The following QSOX2 variants were observed in gnomAD, a reference collection of about 807,000 sequenced individuals.
QSOX2 encodes the protein sulfhydryl oxidase 2.
A neutral mutation model predicts 61.7 loss-of-function variants in QSOX2; 46 were observed. The observed-to-expected ratio is 0.75, with a 90% CI of 0.59 to 0.95. The LOEUF (loss-of-function observed/expected upper bound fraction) is 0.95. Among genes scored for constraint, QSOX2 ranks in the 40% least tolerant of loss-of-function variants. QSOX2 has a pLI of 0.00. For missense variants in QSOX2, 879 were observed against 918.9 expected (o/e 0.96, Z 0.56); for synonymous variants, 383 against 388.4 (o/e 0.99, Z 0.16).
At chr9:136,235,390 G>GGAAGGAGA (rs1286912806) in intron 1 of QSOX2, among the ~76,000 whole-genome samples, 1 of 152,218 alleles carries the variant, frequency 6.6e-6, no homozygotes, top group Non-Finnish European at 1.5e-5. Context: ...TGACGACCAA[G>GGAAGGAGA]GAAGGAGAGA....
intron 3 of QSOX2, 31 bp from the exon 4 acceptor site, chr9:136,224,143 G>T (rs377200165): frequency 6.4e-7 from 1 of 1,564,372 alleles, no homozygotes; most frequent in Non-Finnish European, 8.8e-7. Context: ...TCAGAGCTGT[G>T]TGTGCGGCTG....
chr9:136,218,608 G>T, intron 8 of QSOX2, 71 bp downstream of exon 8: 1 of 1,535,784 alleles, frequency 6.5e-7, no homozygotes, highest in South Asian at 1.3e-5. Flanking sequence ...CGCAGTGTCC[G>T]ACGCCCCCCA....
At chr9:136,210,593 A>AC in intron 11 of QSOX2, 2 of 985,256 alleles carry the variant, frequency 2.0e-6, no homozygotes, top group Non-Finnish European at 2.4e-6. Flanking sequence ...TCGTCACATG[A>AC]CCCCGGCCCC....
intron 6 of QSOX2, among the ~76,000 whole-genome samples, chr9:136,219,376 T>A (rs935367701): frequency 6.6e-6 from 1 of 152,210 alleles, no homozygotes; most frequent in African/African-American, 2.4e-5. Flanking sequence ...ATCCACAGAT[T>A]TACAACCAGT....
Position 136,211,345 on chromosome 9 carries a change from A to G in QSOX2, c.1468T>C (p.Ser490Pro), listed in dbSNP as rs764664459. ...GEHFEEMAKE[S>P]MDSVKTPDQA... ...TCTGGGGTTTTCACCGAGTCCATGG[A>G]TTCTTTAGCCATTTCCTCAAAGTGC... The change falls in exon 11 of 12, where the codon TCC (serine) becomes CCC (proline). Residue 490 changes from serine to proline, a missense_variant. Physicochemically the swap from Ser to Pro is moderately conservative, Grantham distance 74 (BLOSUM62 -1). Transcript: ENST00000358701. 1 of 1,614,184 alleles carries G rather than the reference A, an allele frequency of 6.2e-7. No homozygotes were observed. Among genetic ancestry groups the G allele is most frequent in the African/African-American group, 1.3e-5 (1 of 75,044 alleles).
chr9:136,221,885 C>T lies in QSOX2; in HGVS notation c.732G>A (p.Gly244=). The T allele has an allele frequency of 6.8e-6, 11 of 1,612,472 alleles. No homozygotes were observed. The highest frequency in any genetic ancestry group is 1.1e-5 in the South Asian group (1 of 90,562). Reference sequence around the variant, plus strand: ...CAAGTTTCTCCAGAAATGCTTTGTCCCCGTCCAGTGCTCGGGTCACCACGA... The same window carrying T: ...CAAGTTTCTCCAGAAATGCTTTGTCTCCGTCCAGTGCTCGGGTCACCACGA... ...ESIVVTRALD[G]DKAFLEKLGV... The change falls in exon 6 of 12, where the codon GGG becomes GGA. Residue 244 remains glycine, a synonymous_variant. Coordinates refer to ENST00000358701, the MANE Select transcript of QSOX2 (RefSeq NM_181701.4). The surrounding 1 kb of genome is among the most constrained non-coding windows in gnomAD (Gnocchi z 4.5).
At chr9:136,210,246 G>A (rs1321451686) in intron 11 of QSOX2, 3 of 985,382 alleles carry the variant, frequency 3.0e-6, no homozygotes, top group East Asian at 2.3e-4. Context: ...ACATCTCCGA[G>A]GGGCCTCCCA....
At position 136,209,399 on chromosome 9, in the gene QSOX2, T is replaced by G; in HGVS notation, c.1550-124A>C. 2.0e-6 allele frequency: 3 copies of G among 1,508,092 alleles called. No individual in the cohort carries two copies. The highest frequency in any genetic ancestry group is 2.3e-4 in the Middle Eastern group (1 of 4,318). The allele number at this position is 1,508,092 out of a possible 1,614,324, so 93.4% of individuals were successfully genotyped here. ...CCTCCACTGCCCTGGCCCAGGGTCC[T>G]GCCAGGCCTCCCTCCCTGCCCTTCC... On this transcript the variant is annotated intron_variant, in intron 11 of 11. Transcript: ENST00000358701. The surrounding 1 kb of genome is among the most constrained non-coding windows in gnomAD (Gnocchi z 5.6).
rs978182352 is a variant in QSOX2, at chr9:136,209,664, C to A, written c.1550-389G>T. The stretch of plus-strand genomic sequence containing the variant: ...AGTGCTGCCTGTGTGCCCCTCCCCC[C>A]ACTGCTGCCCCTCTGCCCTTTCCTG... On this transcript the variant is annotated intron_variant, in intron 11 of 11. Transcript: ENST00000358701. The surrounding 1 kb of genome is among the most constrained non-coding windows in gnomAD (Gnocchi z 5.6). 8 of 985,110 alleles carry A rather than the reference C, an allele frequency of 8.1e-6. No individual in the cohort carries two copies. Among genetic ancestry groups the A allele is most frequent in the African/African-American group, 1.7e-5 (1 of 57,212 alleles). The allele number at this position is 985,110 out of a possible 1,614,324, so 61.0% of individuals were successfully genotyped here.
At chr9:136,215,406 G>T in intron 9 of QSOX2, 102 bp from the exon 10 acceptor site, 8 of 762,698 alleles carry the variant, frequency 1.0e-5, no homozygotes, top group East Asian at 4.9e-5. Context: ...GTGGATAATG[G>T]GGGTGTGGTT....
intron 9 of QSOX2, 87 bp from the exon 10 acceptor site, chr9:136,215,391 G>T (rs1187425888): frequency 2.6e-6 from 3 of 1,154,180 alleles, no homozygotes; most frequent in African/African-American, 1.6e-5. Flanking sequence ...TCTTGACTGG[G>T]GGGGGTGGAT....
At chr9:136,232,352 T>G (rs1156965875) in intron 1 of QSOX2, among the ~76,000 whole-genome samples, 2 of 152,206 alleles carry the variant, frequency 1.3e-5, no homozygotes, top group Non-Finnish European at 2.9e-5. Flanking sequence ...GTGTGTCCAC[T>G]TAAATACGCA....
intron 3 of QSOX2, among the ~76,000 whole-genome samples, chr9:136,224,440 C>A (rs542826128): frequency 3.3e-5 from 5 of 152,018 alleles, no homozygotes; most frequent in African/African-American, 9.7e-5. Flanking sequence ...CAGAGCCCCC[C>A]CAGGGCGCGG....
chr9:136,228,587 T>C (rs1213691201), intron 1 of QSOX2, among the ~76,000 whole-genome samples: 1 of 152,172 alleles, frequency 6.6e-6, no homozygotes, highest in Non-Finnish European at 1.5e-5. Flanking sequence ...GTGCTGGCTA[T>C]CCTGGAGCCT....
intron 10 of QSOX2, among the ~76,000 whole-genome samples, chr9:136,213,972 T>G (rs1345876517): frequency 2.0e-5 from 3 of 148,446 alleles, no homozygotes; most frequent in Admixed American, 1.3e-4. Context: ...AAGCAAACAG[T>G]GGTGGCTGCT....
At chr9:136,213,243 G>GTTTTTTTTTT (rs398046934) in intron 10 of QSOX2, among the ~76,000 whole-genome samples, 2 of 111,046 alleles carry the variant, frequency 1.8e-5, no homozygotes, top group African/African-American at 3.6e-5. Context: ...GTTTTGTTGT[G>GTTTTTTTTTT]TTTTTTTTTT....
chr9:136,219,525 G>A (rs951110586), intron 6 of QSOX2, among the ~76,000 whole-genome samples: 10 of 152,268 alleles, frequency 6.6e-5, no homozygotes, highest in South Asian at 2.1e-4. Context: ...TCACCGACGC[G>A]CCCACAATCT....
intron 1 of QSOX2, among the ~76,000 whole-genome samples, chr9:136,244,232 A>G (rs1014268818): frequency 4.6e-5 from 7 of 152,152 alleles, no homozygotes; most frequent in Non-Finnish European, 7.3e-5. Context: ...TAAAAACCCC[A>G]CTGAACAGTT....
chr9:136,235,252 C>T (rs916651329), intron 1 of QSOX2, among the ~76,000 whole-genome samples: 2 of 152,232 alleles, frequency 1.3e-5, no homozygotes, highest in African/African-American at 2.4e-5. Flanking sequence ...CAGCACACCC[C>T]CCGGAGGAGG....
Sources: allele counts gnomAD v4.1 joint callset (sites outside exome capture counted in the v4.1 genomes callset), GRCh38; gene constraint gnomAD v4.1.1; non-coding constraint Gnocchi (gnomAD v3.1); transcripts MANE v1.5; gene names NCBI Gene and HGNC (gene_info 2026-07-23, HGNC 2026-07-21).